Variants in NRG3 observed in about 807,000 individuals in gnomAD.
The protein encoded by NRG3 is pro-neuregulin-3, membrane-bound isoform.
In NRG3, 31 loss-of-function variants were observed where a neutral mutation model predicts 66.9. The observed-to-expected ratio is 0.46, with a 90% CI of 0.35 to 0.63. The LOEUF is 0.63. NRG3 is among the 20% of genes least tolerant of loss of function. The pLI is 0.00. For missense variants in NRG3, 910 were observed against 878.9 expected, an observed-to-expected ratio of 1.04 and a Z score of -0.45; for synonymous variants, 393 against 359.4, an observed-to-expected ratio of 1.09 and a Z score of -1.06.
chr10:82,939,290 G>A (rs576783723), intron 4 of NRG3, among the ~76,000 whole-genome samples: 6 of 152,212 alleles, frequency 3.9e-5, no homozygotes, highest in African/African-American at 1.4e-4. Flanking sequence ...TGAGAATACA[G>A]ATGTTTATGA....
At chr10:82,857,104 G>A (rs1359938036) in intron 3 of NRG3, among the ~76,000 whole-genome samples, 1 of 152,142 alleles carries the variant, frequency 6.6e-6, no homozygotes, top group Non-Finnish European at 1.5e-5. Flanking sequence ...TCTCTGAGGA[G>A]CAGCCTAAGC....
chr10:82,096,399 C>T (rs1258018378), intron 1 of NRG3, among the ~76,000 whole-genome samples: 1 of 152,016 alleles, frequency 6.6e-6, no homozygotes, highest in Non-Finnish European at 1.5e-5. Flanking sequence ...TCGCTTGAAC[C>T]TGGGAGGTAG....
intron 1 of NRG3, among the ~76,000 whole-genome samples, chr10:82,357,281 G>T (rs2083844412): frequency 6.6e-6 from 1 of 152,198 alleles, no homozygotes; most frequent in African/African-American, 2.4e-5. Context: ...GGATTTTAAA[G>T]TTATTCCCAC....
intron 1 of NRG3, among the ~76,000 whole-genome samples, chr10:82,294,524 G>A (rs1373782616): frequency 1.3e-5 from 2 of 151,928 alleles, no homozygotes; most frequent in Admixed American, 6.6e-5. Flanking sequence ...TGCCACCTCC[G>A]TATTGTGCTG....
chr10:82,797,970 T>A (rs1210061948), intron 3 of NRG3, among the ~76,000 whole-genome samples: 1 of 152,162 alleles, frequency 6.6e-6, no homozygotes, highest in African/African-American at 2.4e-5. Flanking sequence ...AGTAAAATAA[T>A]CATGACTACA....
intron 2 of NRG3, among the ~76,000 whole-genome samples, chr10:82,535,354 G>A (rs1590546170): frequency 6.6e-6 from 1 of 151,862 alleles, no homozygotes; most frequent in Admixed American, 6.6e-5. Context: ...AATAGAATTA[G>A]CCCAGAACAC....
intron 3 of NRG3, among the ~76,000 whole-genome samples, chr10:82,856,798 G>C (rs1410270449): frequency 6.9e-6 from 1 of 144,990 alleles, no homozygotes; most frequent in East Asian, 2.0e-4. Flanking sequence ...ATGTGTAGAA[G>C]TGCCCAGTGA....
At chr10:82,417,474 C>G (rs1036173350) in intron 2 of NRG3, among the ~76,000 whole-genome samples, 3 of 152,184 alleles carry the variant, frequency 2.0e-5, no homozygotes, top group African/African-American at 7.2e-5. Context: ...ATGGTAGGGA[C>G]TGTAGGGCAC....
chr10:82,519,703 T>A (rs1290941961), intron 2 of NRG3, among the ~76,000 whole-genome samples: 1 of 152,168 alleles, frequency 6.6e-6, no homozygotes, highest in Non-Finnish European at 1.5e-5. Context: ...AAATATGTGG[T>A]TTTAAATAAT....
chr10:81,877,387 T>C (rs1841768457), intron 1 of NRG3, among the ~76,000 whole-genome samples: 1 of 152,146 alleles, frequency 6.6e-6, no homozygotes, highest in Admixed American at 6.5e-5. Context: ...CAAAAAACTG[T>C]CTGGTTATGC....
chr10:82,132,498 T>TATGATATATATATGATATATATATCATAC, intron 1 of NRG3, among the ~76,000 whole-genome samples: 1 of 34,850 alleles, frequency 2.9e-5, no homozygotes, highest in East Asian at 5.4e-4. Context: ...ATATGATATA[T>TATGATATATATATGATATATATATCATAC]ATATATCATA....
rs574846065 is a variant in NRG3, at chr10:82,896,825, G to A, written c.1054+31388G>A. On this transcript the variant is annotated intron_variant, in intron 4 of 8. Transcript: ENST00000372141. ...AAACCATCATTGCTAGGGACTAGTT[G>A]AAATGTCTGTCTCAGAATGGCAAAT... Among the ~76,000 whole-genome samples the A allele has an allele frequency of 9.8e-5, 15 of 152,318 alleles. 1 individual carries two copies. Among genetic ancestry groups the A allele is most frequent in the African/African-American group, 3.4e-4 (14 of 41,566 alleles).
intron 3 of NRG3, among the ~76,000 whole-genome samples, chr10:82,779,160 G>A (rs1428072049): frequency 2.6e-5 from 4 of 152,114 alleles, no homozygotes; most frequent in African/African-American, 9.7e-5. Flanking sequence ...GAGTAGTGCA[G>A]CCATGTGAAC....
chr10:82,272,629 T>C (rs1049438971), intron 1 of NRG3, among the ~76,000 whole-genome samples: 1 of 152,106 alleles, frequency 6.6e-6, no homozygotes, highest in Non-Finnish European at 1.5e-5. Flanking sequence ...CTTTCTACTT[T>C]GTTGTTCCTG....
At chr10:82,908,062 T>C (rs189333977) in intron 4 of NRG3, among the ~76,000 whole-genome samples, 1 of 152,318 alleles carries the variant, frequency 6.6e-6, no homozygotes, top group East Asian at 1.9e-4. Context: ...TTGGAGTAGC[T>C]TCTCAATAGC....
chr10:82,772,953 C>T (rs1461407939), intron 3 of NRG3, among the ~76,000 whole-genome samples: 3 of 152,012 alleles, frequency 2.0e-5, no homozygotes, highest in African/African-American at 7.2e-5. Context: ...GATCCTTTTA[C>T]CTCAGCTTCC....
At chr10:82,684,854 C>T (rs2054387510) in intron 2 of NRG3, among the ~76,000 whole-genome samples, 1 of 151,978 alleles carries the variant, frequency 6.6e-6, no homozygotes, top group African/African-American at 2.4e-5. Flanking sequence ...AGAAAAAAAA[C>T]TGACTAAATA....
intron 4 of NRG3, among the ~76,000 whole-genome samples, chr10:82,936,313 C>T (rs780016809): frequency 5.9e-5 from 9 of 152,052 alleles, no homozygotes; most frequent in Non-Finnish European, 8.8e-5. Flanking sequence ...AAACCATGAG[C>T]ATGGGTGAAA....
chr10:82,603,632 A>T (rs764191293), intron 2 of NRG3, among the ~76,000 whole-genome samples: 16 of 152,290 alleles, frequency 1.1e-4, no homozygotes, highest in Admixed American at 3.3e-4. Flanking sequence ...CGTAAGCTTA[A>T]GAGAAAGAAA....
Sources: allele counts gnomAD v4.1 joint callset (sites outside exome capture counted in the v4.1 genomes callset), GRCh38; gene constraint gnomAD v4.1.1; transcripts MANE v1.5; gene names NCBI Gene and HGNC (gene_info 2026-07-23, HGNC 2026-07-21).